The following CDH5 variants were observed in gnomAD, a reference collection of about 807,000 sequenced individuals.
CDH5 encodes cadherin 5.
In CDH5, 28 loss-of-function variants were observed where a neutral mutation model predicts 62.0. The observed-to-expected ratio is 0.45, with a 90% CI of 0.33 to 0.62. The LOEUF (loss-of-function observed/expected upper bound fraction) is 0.62, where lower values mean the gene tolerates loss of function less well. CDH5 is among the 20% of genes least tolerant of loss of function. CDH5 has a pLI of 0.02. For synonymous variants in CDH5, 464 were observed against 445.8 expected, an observed-to-expected ratio of 1.04 and a Z score of -0.52; for missense variants, 940 against 1,065.1, an observed-to-expected ratio of 0.88 and a Z score of 1.63.
intron 10 of CDH5, among the ~76,000 whole-genome samples, chr16:66,400,428 T>C (rs1305862902): frequency 4.6e-5 from 7 of 152,168 alleles, no homozygotes; most frequent in Non-Finnish European, 8.8e-5. Context: ...GGAGCATTAA[T>C]TAATTGAGCT....
intron 4 of CDH5, 37 bp from the exon 5 acceptor site, chr16:66,389,321 G>T: frequency 6.3e-7 from 1 of 1,585,622 alleles, no homozygotes; most frequent in Non-Finnish European, 8.6e-7. Context: ...TTTTCTAGAA[G>T]CTGGTAACAT....
intron 1 of CDH5, among the ~76,000 whole-genome samples, chr16:66,373,559 G>A (rs1283091222): frequency 6.6e-6 from 1 of 152,034 alleles, no homozygotes; most frequent in African/African-American, 2.4e-5. Context: ...GGGACTATAG[G>A]CATGCGCCAC....
intron 9 of CDH5, 63 bp downstream of exon 9, chr16:66,398,169 C>A: frequency 6.3e-7 from 1 of 1,594,420 alleles, no homozygotes; most frequent in Non-Finnish European, 8.6e-7. Flanking sequence ...GGGGGCAGAA[C>A]TGCTCAACAG....
At position 66,402,832 on chromosome 16, in the gene CDH5, C is replaced by T. The variant is rs12919802; in HGVS notation, c.2018C>T (p.Pro673Leu). 1.8e-3 allele frequency: 2,882 copies of T among 1,598,796 alleles called. 7 individuals carry two copies. The highest frequency in any genetic ancestry group is 2.3e-3 in the Non-Finnish European group (2,645 of 1,173,478). Residue 673 changes from proline (P) to leucine (L), a missense_variant, in exon 12 of 12, where the codon CCC (proline) becomes CTC (leucine). Pro to Leu is a moderately conservative substitution (Grantham distance 98). Coordinates refer to ENST00000341529, the MANE Select transcript of CDH5 (RefSeq NM_001795.5). ...TCGGTGCGCCGCGGCGGGGCCAAGCCCCCGCGGCCCGCGCTGGACGCCCGG... is the reference window on the plus strand; with the variant it reads ...TCGGTGCGCCGCGGCGGGGCCAAGCTCCCGCGGCCCGCGCTGGACGCCCGG... ...LNSVRRGGAK[P>L]PRPALDARPS...
chr16:66,384,245 C>T (rs1222605322), intron 2 of CDH5, among the ~76,000 whole-genome samples: 1 of 101,792 alleles, frequency 9.8e-6, no homozygotes, highest in Non-Finnish European at 2.0e-5. Context: ...TGCCACCACA[C>T]CCAGCTAATT....
In CDH5 at chr16:66,396,080, T is replaced by A. The variant is rs769708670; in HGVS notation, c.1239T>A (p.Ser413Arg). The A allele has an allele frequency of 3.6e-5, 58 of 1,613,760 alleles. No individual in the cohort carries two copies. In the East Asian group the frequency reaches 1.3e-3, roughly 36 times the overall value. The change falls in exon 8 of 12, where the codon AGT (serine) becomes AGA (arginine). Residue 413 changes from serine (S) to arginine (R), a missense_variant. Physicochemically the swap from Ser to Arg is moderately radical, Grantham distance 110. Transcript: ENST00000341529. ...GCAGATACTCCATCCGCAGGACCAG[T>A]GACAAGGGCCAGTTCTTCCGAGTCA... ...HSIGYSIRRT[S>R]DKGQFFRVTK... is the part of the protein sequence containing the mutation.
chr16:66,393,434 G>A (rs1961123343), intron 7 of CDH5, among the ~76,000 whole-genome samples: 1 of 152,168 alleles, frequency 6.6e-6, no homozygotes, highest in Non-Finnish European at 1.5e-5. Flanking sequence ...ACAGTCCTGG[G>A]GAAGCAGGCA....
At chr16:66,387,200 T>C in intron 3 of CDH5, 103 bp downstream of exon 3, 1 of 1,105,652 alleles carries the variant, frequency 9.0e-7, no homozygotes, top group Non-Finnish European at 1.3e-6. Flanking sequence ...TCCAGTGAGT[T>C]CAGGGTAGTG....
chr16:66,384,970 C>G (rs1460807445), intron 2 of CDH5, among the ~76,000 whole-genome samples: 1 of 151,968 alleles, frequency 6.6e-6, no homozygotes, highest in Non-Finnish European at 1.5e-5. Context: ...AAAAAACAAA[C>G]AAACAAACAA....
chr16:66,389,726 C>T (rs1484599890), intron 5 of CDH5, among the ~76,000 whole-genome samples: 2 of 152,166 alleles, frequency 1.3e-5, no homozygotes, highest in Admixed American at 1.3e-4. Context: ...CTGCCGCCCC[C>T]TGCCACAATC....
chr16:66,386,741 TCTC>T, intron 2 of CDH5, 65 bp from the exon 3 acceptor site: 1 of 1,392,228 alleles, frequency 7.2e-7, no homozygotes, highest in Non-Finnish European at 9.9e-7. Context: ...GTACACACAC[TCTC>T]ACTCACACAC....
At chr16:66,379,883 ATGGTGGTGATCACGGTGATGGTG>A (rs1960859105) in intron 2 of CDH5, among the ~76,000 whole-genome samples, 1 of 120,748 alleles carries the variant, frequency 8.3e-6, no homozygotes, top group East Asian at 2.6e-4. Context: ...GGTGGCTGTG[ATGGTGGTGATCACGGTGATGGTG>A]GTGATGATAA....
chr16:66,397,030 T>C lies in CDH5; in HGVS notation c.1360+829T>C, dbSNP rs554821347. On this transcript the variant is annotated intron_variant, in intron 8 of 11. Coordinates refer to ENST00000341529, the MANE Select transcript of CDH5 (RefSeq NM_001795.5). Reference sequence around the variant, plus strand: ...TTTAAAATACGGAAAATACAGAAAATGAGAAGAAAATACTCCTCCCACCAA... The same window carrying C: ...TTTAAAATACGGAAAATACAGAAAACGAGAAGAAAATACTCCTCCCACCAA... Among the ~76,000 whole-genome samples, 7 of 152,268 alleles carry C rather than the reference T, an allele frequency of 4.6e-5. No homozygotes were observed. In the South Asian group the frequency reaches 1.5e-3, roughly 32 times the overall value.
chr16:66,375,983 C>A (rs148654504), intron 1 of CDH5, among the ~76,000 whole-genome samples: 2 of 151,892 alleles, frequency 1.3e-5, no homozygotes, highest in African/African-American at 4.8e-5. Flanking sequence ...TGGTGTCACG[C>A]GCCTGTAATC....
rs13337088 is a variant in CDH5 at position 66,375,778 on chromosome 16, G to T, written c.-19-3541G>T. ...AATAAGAAATTAGTTTACTATTAGGGTAGTGCAAAAGTAATTGCTGTTGTT... is the reference window on the plus strand; with the variant it reads ...AATAAGAAATTAGTTTACTATTAGGTTAGTGCAAAAGTAATTGCTGTTGTT... On this transcript the variant is annotated intron_variant, in intron 1 of 11. Coordinates refer to ENST00000341529, the MANE Select transcript of CDH5 (RefSeq NM_001795.5). Among the ~76,000 whole-genome samples the T allele has an allele frequency of 2.2e-3, 335 of 151,232 alleles. 1 individual carries two copies. Among genetic ancestry groups the T allele is most frequent in the African/African-American group, 7.7e-3 (319 of 41,274 alleles).
intron 1 of CDH5, chr16:66,376,516 A>G (rs1251019072): frequency 6.6e-6 from 1 of 152,128 alleles, no homozygotes; most frequent in Non-Finnish European, 1.5e-5. Context: ...AATTGAAGAG[A>G]TTTTATGAAG....
At chr16:66,386,701 C>A in intron 2 of CDH5, 108 bp from the exon 3 acceptor site, 1 of 976,216 alleles carries the variant, frequency 1.0e-6, no homozygotes, top group Non-Finnish European at 1.5e-6. Flanking sequence ...ACCACACACA[C>A]CACATACACA....
rs372776948 is a variant in CDH5 at position 66,380,256 on chromosome 16, C to T, written c.210+709C>T. ...AAGGGGTAGGTGGTGGTGGTGATCA[C>T]GGTGATGGTGGTGATGATAAAGGGG... On this transcript the variant is annotated intron_variant, in intron 2 of 11. Coordinates refer to ENST00000341529, the MANE Select transcript of CDH5 (RefSeq NM_001795.5). Among the ~76,000 whole-genome samples, 175 of 67,938 alleles carry T rather than the reference C, an allele frequency of 2.6e-3. 1 individual carries two copies. The highest frequency in any genetic ancestry group is 8.4e-3 in the South Asian group (14 of 1,666). 44.6% of individuals were successfully genotyped at this position (67,938 alleles called of 152,430 possible).
Position 66,403,131 on chromosome 16 carries a change from C to A in CDH5, c.2317C>A (p.Leu773Met). The A allele has an allele frequency of 6.2e-7, 1 of 1,613,250 alleles. No individual in the cohort carries two copies. The highest frequency in any genetic ancestry group is 8.5e-7 in the Non-Finnish European group (1 of 1,179,870). Residue 773 changes from leucine (L) to methionine (M), a missense_variant, in exon 12 of 12, where the codon CTG becomes ATG. Transcript: ENST00000341529. This position sits in a 1 kb window ranked among gnomAD's most constrained non-coding sequence, Gnocchi z 4.3. ...ACCCAGGTTTAAGATGCTGGCTGAG[C>A]TGTACGGCTCGGACCCCCGGGAGGA... The part of the protein sequence containing the change: ...WGPRFKMLAE[L>M]YGSDPREELL...
Sources: gnomAD v4.1 joint callset for allele counts (sites outside exome capture counted in the v4.1 genomes callset) on GRCh38, gnomAD v4.1.1 for gene constraint, Gnocchi (gnomAD v3.1) non-coding constraint, MANE v1.5 for transcripts, NCBI Gene and HGNC (gene_info 2026-07-23, HGNC 2026-07-21) for gene names.